The following CACNA1C variants were observed in gnomAD, a reference collection of about 807,000 sequenced individuals.
The protein encoded by CACNA1C is voltage-dependent L-type calcium channel subunit alpha-1C.
CACNA1C carries 30 observed loss-of-function variants against 229.0 expected under a neutral mutation model. The observed-to-expected ratio is 0.13, with a 90% CI of 0.10 to 0.18. The LOEUF is 0.18. Among genes scored for constraint, CACNA1C ranks in the 10% least tolerant of loss-of-function variants. The probability of loss-of-function intolerance (pLI) is 1.00; values close to 1 mark genes in which losing one functional copy is unlikely to be tolerated. For synonymous variants in CACNA1C, 1,114 were observed against 1,132.5 expected (o/e 0.98, Z 0.33); for missense variants, 1,658 against 2,845.0 (o/e 0.58, Z 9.49).
At chr12:2,297,537 T>G (rs74500489) in intron 3 of CACNA1C, among the ~76,000 whole-genome samples, 1 of 152,086 alleles carries the variant, frequency 6.6e-6, no homozygotes, top group Non-Finnish European at 1.5e-5. Context: ...GGAAGAGAGA[T>G]GCTAGGGGGT....
In CACNA1C at chr12:2,601,090, G is replaced by A. The variant is rs2071885837; in HGVS notation, c.2854-764G>A. 6.6e-6 allele frequency among the ~76,000 whole-genome samples: 1 copy of A among 152,190 alleles called. No individual in the cohort carries two copies. Among genetic ancestry groups the A allele is most frequent in the African/African-American group, 2.4e-5 (1 of 41,458 alleles). ...CAGAGCCTGTGCTCTTAGCCACTGA[G>A]CCTCATAGCCCCTCTGATCACACAA... On this transcript the variant is annotated intron_variant, in intron 21 of 46. Coordinates refer to ENST00000399655, the MANE Select transcript of CACNA1C (RefSeq NM_000719.7). The surrounding 1 kb of genome is among the most constrained non-coding windows in gnomAD (Gnocchi z 5.9).
chr12:2,265,891 AGT>A (rs1007938739), intron 3 of CACNA1C, among the ~76,000 whole-genome samples: 4 of 152,142 alleles, frequency 2.6e-5, no homozygotes, highest in Non-Finnish European at 5.9e-5. Flanking sequence ...CCTGGTTCCC[AGT>A]GTATTTTTAA....
intron 1 of CACNA1C, among the ~76,000 whole-genome samples, chr12:2,058,283 G>A (rs2056046404): frequency 6.6e-6 from 1 of 152,206 alleles, no homozygotes; most frequent in Admixed American, 6.5e-5. Context: ...GTACAGGTCA[G>A]CCGGCGTCAT....
chr12:2,655,647 C>T (rs1046350174), intron 34 of CACNA1C, among the ~76,000 whole-genome samples: 22 of 152,302 alleles, frequency 1.4e-4, no homozygotes, highest in Admixed American at 5.9e-4. Context: ...TGCCATTTGC[C>T]GTGCTGGGCG....
chr12:2,622,957 A>C lies in CACNA1C; in HGVS notation c.3828+10944A>C, dbSNP rs1425086335. 3.3e-5 allele frequency among the ~76,000 whole-genome samples: 5 copies of C among 152,168 alleles called. No homozygotes were observed. The East Asian group carries it at 9.7e-4, about 29-fold the overall frequency. On this transcript the variant is annotated intron_variant, in intron 29 of 46. Coordinates refer to ENST00000399655, the MANE Select transcript of CACNA1C (RefSeq NM_000719.7). ...TCGTGGGGATAACCCTGACCACAGC[A>C]AGAAATGCCCTGCTCTTGGAGTCAC...
At chr12:2,631,217 A>G (rs951711916) in intron 29 of CACNA1C, among the ~76,000 whole-genome samples, 2 of 152,130 alleles carry the variant, frequency 1.3e-5, no homozygotes, top group Admixed American at 6.5e-5. Context: ...TCTCTGGTGG[A>G]TGAAGATTCC....
intron 3 of CACNA1C, among the ~76,000 whole-genome samples, chr12:2,196,924 G>A (rs1223954950): frequency 1.3e-5 from 2 of 152,228 alleles, no homozygotes; most frequent in East Asian, 1.9e-4. Flanking sequence ...TTAGGAGCCA[G>A]GGGGGCTGGG....
At chr12:2,165,987 G>A (rs115696215) in intron 3 of CACNA1C, among the ~76,000 whole-genome samples, 1,783 of 152,310 alleles carry the variant, frequency 0.012, 36 homozygotes, top group African/African-American at 0.039. Flanking sequence ...AATGGCATAC[G>A]TGCAGAGGGC....
chr12:2,207,327 G>T (rs10848636), intron 3 of CACNA1C, among the ~76,000 whole-genome samples: 51,811 of 152,072 alleles, frequency 0.34, 9,308 homozygotes, highest in South Asian at 0.39. Context: ...ACGGGCTTCT[G>T]CACATTAAGC....
chr12:2,465,651 C>T (rs1390917581), intron 5 of CACNA1C, among the ~76,000 whole-genome samples: 1 of 152,182 alleles, frequency 6.6e-6, no homozygotes, highest in Non-Finnish European at 1.5e-5. Context: ...GTTTTCTAAA[C>T]AGCCACTGCT....
At chr12:2,448,694 A>G (rs2099323921) in intron 3 of CACNA1C, among the ~76,000 whole-genome samples, 1 of 152,150 alleles carries the variant, frequency 6.6e-6, no homozygotes, top group African/African-American at 2.4e-5. Flanking sequence ...ACTAAATAAA[A>G]TGTTTCAAAA....
chr12:2,177,162 C>T (rs2096670848), intron 3 of CACNA1C, among the ~76,000 whole-genome samples: 1 of 152,200 alleles, frequency 6.6e-6, no homozygotes, highest in African/African-American at 2.4e-5. Context: ...GAGCATCTCT[C>T]CTTGCCTGTA....
At chr12:2,224,862 T>C (rs558733547) in intron 3 of CACNA1C, among the ~76,000 whole-genome samples, 2 of 152,326 alleles carry the variant, frequency 1.3e-5, no homozygotes, top group South Asian at 2.1e-4. Flanking sequence ...GGTTTTCTGA[T>C]GTTGGGTTGA....
chr12:2,618,679 C>A (rs2081891993), intron 29 of CACNA1C, among the ~76,000 whole-genome samples: 1 of 152,184 alleles, frequency 6.6e-6, no homozygotes, highest in Non-Finnish European at 1.5e-5. Context: ...GGAGAGACTC[C>A]GATGTCCACA....
At chr12:2,537,032 C>T (rs1219463482) in intron 9 of CACNA1C, among the ~76,000 whole-genome samples, 1 of 152,184 alleles carries the variant, frequency 6.6e-6, no homozygotes, top group Admixed American at 6.5e-5. Flanking sequence ...CCTAACCACG[C>T]TGCCTGCTGA....
intron 34 of CACNA1C, among the ~76,000 whole-genome samples, chr12:2,658,244 G>A (rs1040437068): frequency 6.6e-6 from 1 of 152,048 alleles, no homozygotes; most frequent in African/African-American, 2.4e-5. Flanking sequence ...CCCCTACTTT[G>A]ATATAGCCAA....
intron 3 of CACNA1C, among the ~76,000 whole-genome samples, chr12:2,409,859 G>A (rs985209397): frequency 2.6e-5 from 4 of 152,216 alleles, no homozygotes; most frequent in Admixed American, 1.3e-4. Context: ...TGGAGGCAAC[G>A]CAGGTGTGAT....
chr12:2,221,518 G>T (rs2061465539), intron 3 of CACNA1C: 1 of 152,210 alleles, frequency 6.6e-6, no homozygotes, highest in Non-Finnish European at 1.5e-5. Flanking sequence ...CAGGCAGTTT[G>T]TTCAGAATAA....
chr12:2,627,474 C>T (rs916696163), intron 29 of CACNA1C, among the ~76,000 whole-genome samples: 2 of 152,190 alleles, frequency 1.3e-5, no homozygotes, highest in Non-Finnish European at 2.9e-5. Context: ...CTCCTCTCCC[C>T]GGTTCATTCG....
Sources: allele counts gnomAD v4.1 joint callset (sites outside exome capture counted in the v4.1 genomes callset), GRCh38; gene constraint gnomAD v4.1.1; non-coding constraint Gnocchi (gnomAD v3.1); transcripts MANE v1.5; gene names NCBI Gene and HGNC (gene_info 2026-07-23, HGNC 2026-07-21).